The following ERV3-1 variants were observed in gnomAD, a reference collection of about 807,000 sequenced individuals.
ERV3-1 encodes the protein endogenous retrovirus group 3 member 1 Env polyprotein.
Under a neutral mutation model 24.6 loss-of-function variants are expected in ERV3-1, and 36 were observed. The observed-to-expected ratio is 1.47, with a 90% confidence interval of 1.12 to 1.94. The LOEUF (loss-of-function observed/expected upper bound fraction) is 1.94. ERV3-1 is among the 30% of genes most tolerant of loss of function. The pLI is 0.00. For missense variants in ERV3-1, 578 were observed against 330.9 expected, an observed-to-expected ratio of 1.75 and a Z score of -5.79; for synonymous variants, 211 against 122.6, an observed-to-expected ratio of 1.72 and a Z score of -4.76.
chr7:65,006,171 C>T (rs1786644346), intron 1 of ERV3-1: 1 of 214,044 alleles, frequency 4.7e-6, no homozygotes. Context: ...GACTGGGAAC[C>T]CCGCAGACCA....
In ERV3-1 at chr7:64,992,489, G is replaced by A. The variant is rs547865098; in HGVS notation, c.538C>T (p.Pro180Ser). Residue 180 changes from proline (P) to serine (S), a missense_variant, in exon 2 of 2, where the codon CCA (proline) becomes TCA (serine). Physicochemically the swap from Pro to Ser is moderately conservative, Grantham distance 74. Coordinates refer to ENST00000394323, the MANE Select transcript of ERV3-1 (RefSeq NM_001007253.4). ...AATGGTATTTTGGTAAGCATAATTG[G>A]CCCTAGTGATTGTTGGTTAGTGGAC... ...TWSTNQQSLG[P>S]IMLTKIPLEP... The A allele has an allele frequency of 1.3e-6, 1 of 766,296 alleles. No individual in the cohort carries two copies. The highest frequency in any genetic ancestry group is 1.7e-5 in the Admixed American group (1 of 59,014). 47.5% of individuals were successfully genotyped at this position (766,296 alleles called of 1,614,324 possible).
At chr7:64,997,383 C>T (rs765280020) in intron 1 of ERV3-1, among the ~76,000 whole-genome samples, 7 of 152,196 alleles carry the variant, frequency 4.6e-5, no homozygotes, top group African/African-American at 7.2e-5. Context: ...TCACCATGCA[C>T]TGGTTCTCAG....
intron 1 of ERV3-1, among the ~76,000 whole-genome samples, chr7:64,998,256 G>A (rs1053926436): frequency 6.6e-6 from 1 of 152,030 alleles, no homozygotes; most frequent in Non-Finnish European, 1.5e-5. Flanking sequence ...TTTACTTTAG[G>A]CTTGGCTCGA....
intron 1 of ERV3-1, among the ~76,000 whole-genome samples, chr7:64,998,753 G>C (rs903839035): frequency 6.6e-6 from 1 of 151,962 alleles, no homozygotes; most frequent in Non-Finnish European, 1.5e-5. Flanking sequence ...AAGTTGTGGG[G>C]CACCTCCCTA....
In ERV3-1 at chr7:64,992,070, T is replaced by G. The variant is rs748697214; in HGVS notation, c.957A>C (p.Leu319=). Residue 319 remains leucine, a synonymous_variant, in exon 2 of 2, where the codon CTA becomes CTC. Coordinates refer to ENST00000394323, the MANE Select transcript of ERV3-1 (RefSeq NM_001007253.4). Reference sequence around the variant, plus strand: ...GTGCAGGTTCGAGGGAAGAGGCGGTTAGTGTGAAATTATCTTGGGGCATTA... The same window carrying G: ...GTGCAGGTTCGAGGGAAGAGGCGGTGAGTGTGAAATTATCTTGGGGCATTA... ...RELMPQDNFT[L]TASSLEPAPS... is the part of the protein sequence containing the mutation. 1 of 766,370 alleles carries G rather than the reference T, an allele frequency of 1.3e-6. No homozygotes were observed. Among genetic ancestry groups the G allele is most frequent in the Non-Finnish European group, 2.4e-6 (1 of 417,898 alleles). The allele number at this position is 766,370 out of a possible 1,614,324, so 47.5% of individuals were successfully genotyped here. A position where few individuals can be genotyped will look rare whatever the true frequency, so the allele number is the denominator to read the frequency against.
intron 1 of ERV3-1, among the ~76,000 whole-genome samples, chr7:64,994,883 T>G (rs1232817955): frequency 2.6e-5 from 4 of 152,252 alleles, no homozygotes; most frequent in Non-Finnish European, 5.9e-5. Flanking sequence ...AGGTCACCAC[T>G]GCCTACCCAG....
At chr7:64,995,311 A>G (rs1331696154) in intron 1 of ERV3-1, among the ~76,000 whole-genome samples, 1 of 152,196 alleles carries the variant, frequency 6.6e-6, no homozygotes, top group South Asian at 2.1e-4. Flanking sequence ...AACTGTTTGG[A>G]TAAGTACACC....
Position 64,992,043 on chromosome 7 carries a change from T to C in ERV3-1, c.984A>G (p.Pro328=), listed in dbSNP as rs757083023. ...TTAAGAACCAGATGCTCTGACTTGATGGTGCAGGTTCGAGGGAAGAGGCGG... is the reference window on the plus strand; with the variant it reads ...TTAAGAACCAGATGCTCTGACTTGACGGTGCAGGTTCGAGGGAAGAGGCGG... ...TLTASSLEPA[P]SSQSIWFLKT... The change falls in exon 2 of 2, where the codon CCA becomes CCG. Residue 328 remains proline (P), a synonymous_variant. Coordinates refer to ENST00000394323, the MANE Select transcript of ERV3-1 (RefSeq NM_001007253.4). 1.0e-5 allele frequency: 8 copies of C among 766,430 alleles called. No homozygotes were observed. The Admixed American group carries it at 1.4e-4, about 13-fold the overall frequency. 47.5% of individuals were successfully genotyped at this position (766,430 alleles called of 1,614,324 possible). A position where few individuals can be genotyped will look rare whatever the true frequency, so the allele number is the denominator to read the frequency against.
intron 1 of ERV3-1, among the ~76,000 whole-genome samples, chr7:64,995,257 G>A (rs1786382727): frequency 6.6e-6 from 1 of 152,214 alleles, no homozygotes; most frequent in African/African-American, 2.4e-5. Flanking sequence ...GGTGGTAGTG[G>A]CTAGTGCTTT....
intron 1 of ERV3-1, chr7:65,004,802 C>T (rs920327340): frequency 6.6e-6 from 1 of 152,142 alleles, no homozygotes; most frequent in Non-Finnish European, 1.5e-5. Context: ...TACTAGGCCC[C>T]ATTGAGTGCC....
chr7:65,006,630 G>C lies in ERV3-1; in HGVS notation c.-478C>G. 9 of 1,543,640 alleles carry C rather than the reference G, an allele frequency of 5.8e-6. No individual in the cohort carries two copies. Among genetic ancestry groups the C allele is most frequent in the Non-Finnish European group, 8.1e-6 (9 of 1,117,990 alleles). The stretch of plus-strand genomic sequence containing the variant: ...GAGGCCACAGAAGCTGGGCCTCTAG[G>C]AGCAGAAGACACAGAGCAGTGAAGA... On this transcript the variant is annotated 5_prime_UTR_variant, in exon 1 of 2. Transcript: ENST00000394323.
intron 1 of ERV3-1, among the ~76,000 whole-genome samples, chr7:64,999,602 C>A (rs1343023183): frequency 2.6e-5 from 4 of 152,184 alleles, no homozygotes; most frequent in Non-Finnish European, 4.4e-5. Context: ...TGCAACATGA[C>A]CCTATCTTAC....
chr7:64,991,798 G>A lies in ERV3-1; in HGVS notation c.1229C>T (p.Thr410Ile), dbSNP rs768134631. The A allele has an allele frequency of 1.3e-6, 1 of 766,184 alleles. No individual in the cohort carries two copies. Among genetic ancestry groups the A allele is most frequent in the South Asian group, 1.3e-5 (1 of 74,612 alleles). The allele number at this position is 766,184 out of a possible 1,614,324, so 47.5% of individuals were successfully genotyped here. ...GTAGAGGCCAGAGGGTGCCTGCCAG[G>A]TATTTGGAGCTTCAAGTTGGTACCA... The part of the protein sequence containing the change: ...HSWYQLEAPN[T>I]WQAPSGLYWI... The change falls in exon 2 of 2, where the codon ACC (threonine) becomes ATC (isoleucine). Residue 410 changes from threonine (T) to isoleucine (I), a missense_variant. Coordinates refer to ENST00000394323, the MANE Select transcript of ERV3-1 (RefSeq NM_001007253.4).
chr7:64,997,305 C>T (rs1786424458), intron 1 of ERV3-1, among the ~76,000 whole-genome samples: 1 of 152,172 alleles, frequency 6.6e-6, no homozygotes, highest in Non-Finnish European at 1.5e-5. Flanking sequence ...CATTCATGCC[C>T]GTGAAACACT....
chr7:64,990,645 C>T lies in ERV3-1; in HGVS notation c.*567G>A, dbSNP rs1489271257. ...CTACAGAAAGAAAAACAAGAACTTA[C>T]AAAATCTTTACAGACTTGCAGAAAT... On this transcript the variant is annotated 3_prime_UTR_variant, in exon 2 of 2. Coordinates refer to ENST00000394323, the MANE Select transcript of ERV3-1 (RefSeq NM_001007253.4). The T allele has an allele frequency of 6.6e-6, 1 of 152,244 alleles. No individual in the cohort carries two copies. Among genetic ancestry groups the T allele is most frequent in the Admixed American group, 6.5e-5 (1 of 15,290 alleles). The allele number at this position is 152,244 out of a possible 1,614,324, so 9.4% of individuals were successfully genotyped here.
chr7:64,992,480 G>A lies in ERV3-1; in HGVS notation c.547C>T (p.Leu183Phe), dbSNP rs368340201. 1.3e-6 allele frequency: 1 copy of A among 766,228 alleles called. No homozygotes were observed. Among genetic ancestry groups the A allele is most frequent in the Non-Finnish European group, 2.4e-6 (1 of 417,910 alleles). 47.5% of individuals were successfully genotyped at this position (766,228 alleles called of 1,614,324 possible). Residue 183 changes from leucine to phenylalanine, a missense_variant, in exon 2 of 2, where the codon CTT (leucine) becomes TTT (phenylalanine). Transcript: ENST00000394323. ...TNQQSLGPIM[L>F]TKIPLEPDCK... ...TCTGGTTCTAATGGTATTTTGGTAA[G>A]CATAATTGGCCCTAGTGATTGTTGG...
At position 64,992,278 on chromosome 7, in the gene ERV3-1, T is replaced by C; in HGVS notation, c.749A>G (p.Gln250Arg). The change falls in exon 2 of 2, where the codon CAG (glutamine) becomes CGG (arginine). Residue 250 changes from glutamine (Q) to arginine (R), a missense_variant. Transcript: ENST00000394323. Reference protein sequence around the residue: ...IKKTRTRSTQQFRVFESFYEH... With the variant: ...IKKTRTRSTQRFRVFESFYEH... ...ATAGAATGACTCAAAAACTCGGAACTGTTGGGTTGAGCGGGTCCGAGTTTT... is the reference window on the plus strand; with the variant it reads ...ATAGAATGACTCAAAAACTCGGAACCGTTGGGTTGAGCGGGTCCGAGTTTT... The C allele has an allele frequency of 1.3e-6, 1 of 766,380 alleles. No homozygotes were observed. The highest frequency in any genetic ancestry group is 2.4e-6 in the Non-Finnish European group (1 of 417,906). The allele number at this position is 766,380 out of a possible 1,614,324, so 47.5% of individuals were successfully genotyped here.
intron 1 of ERV3-1, among the ~76,000 whole-genome samples, chr7:64,998,311 T>C (rs980951855): frequency 6.6e-6 from 1 of 152,168 alleles, no homozygotes; most frequent in Non-Finnish European, 1.5e-5. Flanking sequence ...GCTGCAGCCA[T>C]GCAGGTTGAG....
rs368637581 is a variant in ERV3-1, at chr7:64,991,900, A to G, written c.1127T>C (p.Leu376Ser). The G allele has an allele frequency of 3.4e-5, 26 of 766,220 alleles. No homozygotes were observed. Among genetic ancestry groups the G allele is most frequent in the African/African-American group, 2.9e-4 (17 of 59,094 alleles). 47.5% of individuals were successfully genotyped at this position (766,220 alleles called of 1,614,324 possible). ...QYYNETLGKT[L>S]WRGKSNNSES... ...AGAATTATTGCTTTTGCCCCTCCAT[A>G]AAGTCTTTCCTAGTGTCTCGTTGTA... Residue 376 changes from leucine to serine, a missense_variant, in exon 2 of 2, where the codon TTA becomes TCA. Transcript: ENST00000394323.
Sources: gnomAD v4.1 joint callset for allele counts (sites outside exome capture counted in the v4.1 genomes callset) on GRCh38, gnomAD v4.1.1 for gene constraint, MANE v1.5 for transcripts, NCBI Gene and HGNC (gene_info 2026-07-23, HGNC 2026-07-21) for gene names.